The following PCDHGA3 variants were observed in gnomAD, a reference collection of about 807,000 sequenced individuals.
The protein encoded by PCDHGA3 is protocadherin gamma subfamily A, 3.
A neutral mutation model predicts 58.5 loss-of-function variants in PCDHGA3; 40 were observed. The ratio of observed to expected loss-of-function variants is 0.68; its 90% confidence interval spans 0.53 to 0.89. The LOEUF is 0.89. Among genes scored for constraint, PCDHGA3 ranks in the 40% least tolerant of loss-of-function variants. The probability of loss-of-function intolerance (pLI) is 0.00; values close to 1 mark genes in which losing one functional copy is unlikely to be tolerated. For synonymous variants in PCDHGA3, 530 were observed against 525.7 expected, an observed-to-expected ratio of 1.01 and a Z score of -0.11; for missense variants, 1,223 against 1,195.9, an observed-to-expected ratio of 1.02 and a Z score of -0.33.
At chr5:141,368,160 C>T (rs1017595982) in intron 1 of PCDHGA3, among the ~76,000 whole-genome samples, 1 of 152,084 alleles carries the variant, frequency 6.6e-6, no homozygotes, top group Non-Finnish European at 1.5e-5. Context: ...AAACCTTGAG[C>T]ATCAGCTTCA....
intron 1 of PCDHGA3, among the ~76,000 whole-genome samples, chr5:141,437,781 A>G (rs957126405): frequency 7.3e-5 from 11 of 149,878 alleles, no homozygotes; most frequent in Admixed American, 6.7e-5. Flanking sequence ...ATCTGTCGCC[A>G]AGCTGGAGTG....
chr5:141,384,622 A>G (rs1360248889), intron 1 of PCDHGA3: 1 of 1,614,218 alleles, frequency 6.2e-7, no homozygotes, highest in East Asian at 2.2e-5. Context: ...TTCTACTGGC[A>G]TGGAGCTGGC....
rs371499368 is a variant in PCDHGA3 at position 141,414,269 on chromosome 5, C to T, written c.2424+67812C>T. The stretch of plus-strand genomic sequence containing the variant: ...TTTAGTCCAGTGACTGAAGATTCAC[C>T]TCTGGGAACAGTCGTAGCCCTTTTA... On this transcript the variant is annotated intron_variant, in intron 1 of 3. Coordinates refer to ENST00000253812, the MANE Select transcript of PCDHGA3 (RefSeq NM_018916.4). 8.1e-6 allele frequency: 13 copies of T among 1,613,266 alleles called. No homozygotes were observed. The African/African-American group carries it at 1.6e-4, about 20-fold the overall frequency.
At chr5:141,377,577 CAGAATGAGACTTTT>C (rs1211676701) in intron 1 of PCDHGA3, 2 of 148,600 alleles carry the variant, frequency 1.3e-5, no homozygotes, top group African/African-American at 2.5e-5. Context: ...GCCTGGGAGA[CAGAATGAGACTTTT>C]TCTCTCTCTC....
intron 1 of PCDHGA3, chr5:141,367,582 AG>A (rs1765244187): frequency 6.6e-6 from 1 of 150,954 alleles, no homozygotes; most frequent in Non-Finnish European, 1.5e-5. Flanking sequence ...ATATCAGAAA[AG>A]TAGATAAAAT....
chr5:141,356,586 T>A (rs898846586), intron 1 of PCDHGA3: 1 of 1,614,176 alleles, frequency 6.2e-7, no homozygotes, highest in Non-Finnish European at 8.5e-7. Flanking sequence ...CTTACATTCC[T>A]GAAAACAACC....
Position 141,490,369 on chromosome 5 carries a change from C to T in PCDHGA3, c.2425-4438C>T, listed in dbSNP as rs201347968. On this transcript the variant is annotated intron_variant, in intron 1 of 3. Transcript: ENST00000253812. This position sits in a 1 kb window ranked among gnomAD's most constrained non-coding sequence, Gnocchi z 5.4. ...AGTGGGGTTGTTTAATGTGCGAGAC[C>T]GGGACTCAGGTAGAAATGGTGAAGT... The T allele has an allele frequency of 4.0e-5, 64 of 1,614,090 alleles. No individual in the cohort carries two copies. In the Admixed American group the frequency reaches 6.0e-4, roughly 15 times the overall value.
At chr5:141,415,071 G>A (rs757356726) in intron 1 of PCDHGA3, 21 of 1,613,422 alleles carry the variant, frequency 1.3e-5, no homozygotes, top group East Asian at 2.2e-5. Flanking sequence ...AGGTGCGCAC[G>A]GCGCGAGCCC....
At chr5:141,483,790 AGTT>A (rs963139644) in intron 1 of PCDHGA3, among the ~76,000 whole-genome samples, 14 of 152,290 alleles carry the variant, frequency 9.2e-5, no homozygotes, top group African/African-American at 3.4e-4. Flanking sequence ...TAAGAACTCC[AGTT>A]GTTGCTGCTT....
intron 2 of PCDHGA3, among the ~76,000 whole-genome samples, chr5:141,498,352 CA>C: frequency 6.6e-6 from 1 of 151,890 alleles, no homozygotes; most frequent in African/African-American, 2.4e-5. Flanking sequence ...AAAGCCTATG[CA>C]AAAGCCTTGT....
chr5:141,412,906 TG>T (rs2095588206), intron 1 of PCDHGA3: 2 of 384,208 alleles, frequency 5.2e-6, no homozygotes, highest in Admixed American at 8.2e-5. Context: ...TTCCATTGCA[TG>T]TATCACTTGG....
At chr5:141,370,504 T>C (rs769995886) in intron 1 of PCDHGA3, 3 of 1,613,950 alleles carry the variant, frequency 1.9e-6, no homozygotes, top group Non-Finnish European at 2.5e-6. Flanking sequence ...CGCTACGCTA[T>C]TCCCGAGGAG....
intron 1 of PCDHGA3, chr5:141,365,768 G>C: frequency 6.2e-7 from 1 of 1,613,812 alleles, no homozygotes. Flanking sequence ...CCATGACCCC[G>C]ACAGCGGCGA....
At chr5:141,430,947 G>T (rs1169662602) in intron 1 of PCDHGA3, 1 of 1,610,002 alleles carries the variant, frequency 6.2e-7, no homozygotes, top group Non-Finnish European at 8.5e-7. Flanking sequence ...GCGGAGCGCG[G>T]AGTCCGCATC....
chr5:141,457,149 G>A (rs1016628234), intron 1 of PCDHGA3, among the ~76,000 whole-genome samples: 6 of 152,180 alleles, frequency 3.9e-5, no homozygotes, highest in African/African-American at 1.4e-4. Flanking sequence ...TCAGTTAGAA[G>A]GTGCTACCAT....
intron 1 of PCDHGA3, chr5:141,400,747 G>T (rs2094069778): frequency 5.0e-6 from 3 of 602,662 alleles, no homozygotes; most frequent in African/African-American, 1.9e-5. Context: ...TTTGCTCTTA[G>T]CTTCCTCTCT....
chr5:141,392,661 A>T, intron 1 of PCDHGA3: 1 of 803,300 alleles, frequency 1.2e-6, no homozygotes, highest in Non-Finnish European at 1.9e-6. Context: ...CAGATGCCAC[A>T]AACTAACTGC....
Position 141,486,288 on chromosome 5 carries a change from T to C in PCDHGA3, c.2425-8519T>C. 5 of 1,613,996 alleles carry C rather than the reference T, an allele frequency of 3.1e-6. No individual in the cohort carries two copies. The highest frequency in any genetic ancestry group is 4.2e-6 in the Non-Finnish European group (5 of 1,179,986). ...GAACCTGGCACTGTGGTGGCACTTA[T>C]CAGTGTGCAGGATCCAGACTCAGGG... On this transcript the variant is annotated intron_variant, in intron 1 of 3. Coordinates refer to ENST00000253812, the MANE Select transcript of PCDHGA3 (RefSeq NM_018916.4). The surrounding 1 kb of genome is among the most constrained non-coding windows in gnomAD (Gnocchi z 5.0).
At chr5:141,380,806 A>G (rs1175015074) in intron 1 of PCDHGA3, among the ~76,000 whole-genome samples, 1 of 152,258 alleles carries the variant, frequency 6.6e-6, no homozygotes, top group Non-Finnish European at 1.5e-5. Context: ...AACAAATGTG[A>G]GATGAAACTA....
Sources: gnomAD v4.1 joint callset for allele counts (sites outside exome capture counted in the v4.1 genomes callset) on GRCh38, gnomAD v4.1.1 for gene constraint, Gnocchi (gnomAD v3.1) non-coding constraint, MANE v1.5 for transcripts, NCBI Gene and HGNC (gene_info 2026-07-23, HGNC 2026-07-21) for gene names.